The following AGAP3 variants were observed in gnomAD, a reference collection of about 807,000 sequenced individuals.
AGAP3 encodes ArfGAP with GTPase domain, ankyrin repeat and PH domain 3.
In AGAP3, 24 loss-of-function variants were observed where a neutral mutation model predicts 96.9. The observed-to-expected ratio is 0.25, with a 90% CI of 0.18 to 0.35. The LOEUF (loss-of-function observed/expected upper bound fraction) is 0.35, where lower values mean the gene tolerates loss of function less well. Among genes scored for constraint, AGAP3 ranks in the 10% least tolerant of loss-of-function variants. The probability of loss-of-function intolerance (pLI) is 1.00; values close to 1 mark genes in which losing one functional copy is unlikely to be tolerated. For synonymous variants in AGAP3, 563 were observed against 536.1 expected (o/e 1.05, Z -0.69); for missense variants, 876 against 1,254.2 (o/e 0.70, Z 4.55).
chr7:151,123,451 C>T, intron 8 of AGAP3: 4 of 1,150,736 alleles, frequency 3.5e-6, no homozygotes, highest in Non-Finnish European at 4.3e-6. Flanking sequence ...GTTGTCGCGC[C>T]CTGTGCTCCC....
chr7:151,088,698 G>T (rs1170215765), intron 1 of AGAP3, among the ~76,000 whole-genome samples: 1 of 152,190 alleles, frequency 6.6e-6, no homozygotes, highest in Non-Finnish European at 1.5e-5. Context: ...GAGGTTTCCG[G>T]GCTCCCCTGG....
At chr7:151,095,634 G>A (rs1460239074) in intron 1 of AGAP3, among the ~76,000 whole-genome samples, 2 of 140,400 alleles carry the variant, frequency 1.4e-5, no homozygotes, top group African/African-American at 5.3e-5. Flanking sequence ...CTGGTGGATG[G>A]CACTTCTGTG....
At chr7:151,120,619 C>G (rs1273892567) in intron 8 of AGAP3, 6 of 1,294,152 alleles carry the variant, frequency 4.6e-6, no homozygotes, top group East Asian at 5.5e-5. Flanking sequence ...CGCCTTCCGG[C>G]TCTTTTTCCG....
intron 1 of AGAP3, among the ~76,000 whole-genome samples, chr7:151,094,543 G>A (rs567731901): frequency 6.6e-6 from 1 of 151,634 alleles, no homozygotes; most frequent in African/African-American, 2.4e-5. Context: ...ATTACTAGTT[G>A]ATCACTAGCT....
chr7:151,092,165 C>T lies in AGAP3; in HGVS notation c.331+5093C>T, dbSNP rs555767632. Among the ~76,000 whole-genome samples the T allele has an allele frequency of 1.5e-3, 231 of 152,310 alleles. 3 individuals carry two copies. Among genetic ancestry groups the T allele is most frequent in the African/African-American group, 5.1e-3 (211 of 41,544 alleles). On this transcript the variant is annotated intron_variant, in intron 1 of 17. Transcript: ENST00000397238. ...TTTAAGCCTTTGAGAAGGCTTGAGCCACGCCAGCATCCACACCGCTCGTTT... is the reference window on the plus strand; with the variant it reads ...TTTAAGCCTTTGAGAAGGCTTGAGCTACGCCAGCATCCACACCGCTCGTTT...
chr7:151,119,999 G>T lies in AGAP3; in HGVS notation c.982G>T (p.Gly328Cys), dbSNP rs368946506. 3 of 1,612,866 alleles carry T rather than the reference G, an allele frequency of 1.9e-6. No individual in the cohort carries two copies. The highest frequency in any genetic ancestry group is 2.5e-6 in the Non-Finnish European group (3 of 1,179,812). The change falls in exon 8 of 18, where the codon GGC becomes TGC. Residue 328 changes from glycine to cysteine, a missense_variant. By Grantham distance (159) the Gly-to-Cys change is radical. This residue lies in a region of AGAP3 where 100 missense variants were observed against 129.4 expected (regional missense o/e 0.77). Transcript: ENST00000397238. ...TCTTTGTCCTTAGGCCACGAATGGC[G>T]GCGGCAGCGCCTTCAGCGACTACTC... ...AVHINQATNG[G>C]GSAFSDYSSS...
intron 1 of AGAP3, among the ~76,000 whole-genome samples, chr7:151,115,918 C>T (rs1045244235): frequency 1.3e-5 from 2 of 152,182 alleles, no homozygotes; most frequent in Admixed American, 6.5e-5. Flanking sequence ...AGTTCCCTGT[C>T]GGGGCAGCGC....
At chr7:151,126,461 A>G (rs1800182134) in intron 9 of AGAP3, among the ~76,000 whole-genome samples, 1 of 126,892 alleles carries the variant, frequency 7.9e-6, no homozygotes, top group Non-Finnish European at 1.6e-5. Flanking sequence ...AGAGGCTGGG[A>G]GAGGGAAGCA....
Position 151,134,417 on chromosome 7 carries a change from C to T in AGAP3, c.1344C>T (p.Ile448=), listed in dbSNP as rs1800513221. The stretch of plus-strand genomic sequence containing the variant: ...GCCTGCAGGATTACATGCAGAACAT[C>T]CACGGCAAGGAGATTGACCTGCTGC... ...HPSLHDYMQN[I]HGKEIDLLRT... Residue 448 remains isoleucine (I), a synonymous_variant, in exon 11 of 18, where the codon ATC becomes ATT. Coordinates refer to ENST00000397238, the MANE Select transcript of AGAP3 (RefSeq NM_031946.7). The T allele has an allele frequency of 1.2e-6, 2 of 1,613,670 alleles. No homozygotes were observed. The highest frequency in any genetic ancestry group is 1.3e-5 in the African/African-American group (1 of 75,052).
chr7:151,115,009 T>C (rs1799482476), intron 1 of AGAP3: 2 of 988,574 alleles, frequency 2.0e-6, no homozygotes, highest in Non-Finnish European at 2.4e-6. Flanking sequence ...CTCGGCCTCC[T>C]GCGCCCGCGC....
chr7:151,134,839 C>A (rs1221138673), intron 11 of AGAP3, among the ~76,000 whole-genome samples: 1 of 152,126 alleles, frequency 6.6e-6, no homozygotes, highest in Non-Finnish European at 1.5e-5. Context: ...GTCCTAGGCC[C>A]ATCTCTGCAT....
rs1799681600 is a variant in AGAP3, at chr7:151,118,050, T to C, written c.707-160T>C. ...TGCTGGTTTGCACTCAGTGAGGCCA[T>C]GGAAGGGTTGAAATGAGACCCAGGC... On this transcript the variant is annotated intron_variant, in intron 5 of 17. Coordinates refer to ENST00000397238, the MANE Select transcript of AGAP3 (RefSeq NM_031946.7). This position sits in a 1 kb window ranked among gnomAD's most constrained non-coding sequence, Gnocchi z 6.1. The C allele has an allele frequency of 9.7e-7, 1 of 1,027,592 alleles. No individual in the cohort carries two copies. The highest frequency in any genetic ancestry group is 1.4e-6 in the Non-Finnish European group (1 of 712,534). 63.7% of individuals were successfully genotyped at this position (1,027,592 alleles called of 1,614,324 possible). A position where few individuals can be genotyped will look rare whatever the true frequency, so the allele number is the denominator to read the frequency against.
At position 151,114,749 on chromosome 7, in the gene AGAP3, C is replaced by T; in HGVS notation, c.332-2044C>T. ...CCCGTGCCCCTCGCCATGGGCCTGG[C>T]CCGCGCCCGCCGGCCCTGAGCATGG... On this transcript the variant is annotated intron_variant, in intron 1 of 17. Coordinates refer to ENST00000397238, the MANE Select transcript of AGAP3 (RefSeq NM_031946.7). This position sits in a 1 kb window ranked among gnomAD's most constrained non-coding sequence, Gnocchi z 4.4. 1 of 1,016,532 alleles carries T rather than the reference C, an allele frequency of 9.8e-7. No homozygotes were observed. The allele number at this position is 1,016,532 out of a possible 1,614,324, so 63.0% of individuals were successfully genotyped here.
chr7:151,111,354 GAGA>G (rs1456624914), intron 1 of AGAP3, among the ~76,000 whole-genome samples: 6 of 152,178 alleles, frequency 3.9e-5, no homozygotes, highest in Non-Finnish European at 7.4e-5. Flanking sequence ...CGGCTTTCAG[GAGA>G]AGGCTTATCC....
At chr7:151,124,117 G>T (rs1585089559) in intron 9 of AGAP3, among the ~76,000 whole-genome samples, 1 of 152,304 alleles carries the variant, frequency 6.6e-6, no homozygotes, top group East Asian at 1.9e-4. Context: ...ATCACCACCG[G>T]AGGGCAGCAG....
rs1168845741 is a variant in AGAP3 at position 151,141,726 on chromosome 7, C to T, written c.1805-172C>T. On this transcript the variant is annotated intron_variant, in intron 13 of 17. Coordinates refer to ENST00000397238, the MANE Select transcript of AGAP3 (RefSeq NM_031946.7). This position sits in a 1 kb window ranked among gnomAD's most constrained non-coding sequence, Gnocchi z 4.2. ...AGCTCACACTAGTCTTGCAGGTTTA[C>T]TCTGGCCTCCCCCTGCAAGCTGTCC... 2 of 729,490 alleles carry T rather than the reference C, an allele frequency of 2.7e-6. No individual in the cohort carries two copies. Among genetic ancestry groups the T allele is most frequent in the Non-Finnish European group, 4.6e-6 (2 of 436,526 alleles). The allele number at this position is 729,490 out of a possible 1,614,324, so 45.2% of individuals were successfully genotyped here.
Position 151,118,437 on chromosome 7 carries a change from G to C in AGAP3, c.842-68G>C. The C allele has an allele frequency of 6.2e-7, 1 of 1,600,994 alleles. No individual in the cohort carries two copies. Among genetic ancestry groups the C allele is most frequent in the Non-Finnish European group, 8.5e-7 (1 of 1,169,696 alleles). On this transcript the variant is annotated intron_variant, in intron 6 of 17. Coordinates refer to ENST00000397238, the MANE Select transcript of AGAP3 (RefSeq NM_031946.7). This position sits in a 1 kb window ranked among gnomAD's most constrained non-coding sequence, Gnocchi z 6.1. The stretch of plus-strand genomic sequence containing the variant: ...AGTGAGAGCAAGGCTGTGTGTCTGG[G>C]GGGAGGTGCTAAGCCAGGCTTTTCC...
chr7:151,092,829 T>C (rs1798452149), intron 1 of AGAP3, among the ~76,000 whole-genome samples: 3 of 152,190 alleles, frequency 2.0e-5, no homozygotes, highest in Non-Finnish European at 1.5e-5. Context: ...ATAAGTGTTG[T>C]TGGCCACACC....
At chr7:151,098,733 C>CT (rs34617813) in intron 1 of AGAP3, among the ~76,000 whole-genome samples, 11,901 of 116,080 alleles carry the variant, frequency 0.1, 1,368 homozygotes, top group African/African-American at 0.26. Context: ...ATTTTCTTTT[C>CT]TTTTTTTTTT....
Sources: allele counts gnomAD v4.1 joint callset (sites outside exome capture counted in the v4.1 genomes callset), GRCh38; gene constraint gnomAD v4.1.1; regional missense constraint gnomAD v4.1.1; non-coding constraint Gnocchi (gnomAD v3.1); transcripts MANE v1.5; gene names NCBI Gene and HGNC (gene_info 2026-07-23, HGNC 2026-07-21).